The following IL1RAPL1 variants were observed in gnomAD, a reference collection of about 807,000 sequenced individuals.
The protein encoded by IL1RAPL1 is interleukin-1 receptor accessory protein-like 1.
Under a neutral mutation model 48.4 loss-of-function variants are expected in IL1RAPL1, and 3 were observed. The ratio of observed to expected loss-of-function variants is 0.06; its 90% confidence interval spans 0.03 to 0.16. The LOEUF (loss-of-function observed/expected upper bound fraction) is 0.16, where lower values mean the gene tolerates loss of function less well. Ranked by LOEUF, IL1RAPL1 falls within the 10% of genes least tolerant of loss-of-function variation. The pLI is 1.00. For synonymous variants in IL1RAPL1, 185 were observed against 187.7 expected, an observed-to-expected ratio of 0.99 and a Z score of 0.12; for missense variants, 349 against 530.6, an observed-to-expected ratio of 0.66 and a Z score of 3.36.
chrX:28,864,387 A>AT (rs1417999714), intron 2 of IL1RAPL1, among the ~76,000 whole-genome samples: 1 of 112,443 alleles, frequency 8.9e-6, no homozygotes, highest in Non-Finnish European at 1.9e-5. Flanking sequence ...TGGAGCTAAC[A>AT]TTTTATAAAA....
At chrX:29,068,767 T>C (rs1335452478) in intron 2 of IL1RAPL1, among the ~76,000 whole-genome samples, 2 of 112,326 alleles carry the variant, frequency 1.8e-5, no homozygotes, top group Non-Finnish European at 3.8e-5. Flanking sequence ...AGAACTTTTA[T>C]GCCTTTTTTA....
intron 6 of IL1RAPL1, among the ~76,000 whole-genome samples, chrX:29,833,565 G>T (rs948404788): frequency 9.0e-6 from 1 of 111,189 alleles, no homozygotes; most frequent in Non-Finnish European, 1.9e-5. Flanking sequence ...TTATTTACAT[G>T]GGCCTAAATC....
At chrX:28,990,362 C>T (rs58977347) in intron 2 of IL1RAPL1, among the ~76,000 whole-genome samples, 4,807 of 111,762 alleles carry the variant, frequency 0.043, 107 homozygotes, top group East Asian at 0.068. Context: ...AAAACTAAAT[C>T]GGGGATAGTA....
At chrX:29,479,275 G>A (rs73631662) in intron 5 of IL1RAPL1, among the ~76,000 whole-genome samples, 1,846 of 107,577 alleles carry the variant, frequency 0.017, 30 homozygotes, top group African/African-American at 0.059. Context: ...ATTAGCAGGT[G>A]TGGTGGCACG....
chrX:28,796,547 C>G (rs74217368), intron 2 of IL1RAPL1, among the ~76,000 whole-genome samples: 7 of 112,093 alleles, frequency 6.2e-5, no homozygotes, highest in Middle Eastern at 4.7e-3. Context: ...TCTAGCAGGG[C>G]AGTCAAATCT....
intron 1 of IL1RAPL1, among the ~76,000 whole-genome samples, chrX:28,714,147 G>T (rs1435720550): frequency 9.0e-6 from 1 of 111,635 alleles, no homozygotes; most frequent in East Asian, 2.8e-4. Context: ...ATGATTTTAT[G>T]CTCTTTCTTA....
chrX:29,720,558 A>T (rs1261605199), intron 6 of IL1RAPL1, among the ~76,000 whole-genome samples: 2 of 110,723 alleles, frequency 1.8e-5, no homozygotes, highest in Non-Finnish European at 3.8e-5. Flanking sequence ...AACAATGAGA[A>T]CACATGGACA....
chrX:28,926,074 CACCTG>C (rs1235342385), intron 2 of IL1RAPL1, among the ~76,000 whole-genome samples: 1 of 112,101 alleles, frequency 8.9e-6, no homozygotes, highest in Non-Finnish European at 1.9e-5. Context: ...AGCCATTAGC[CACCTG>C]TGGCTACTTA....
At chrX:29,901,945 G>A (rs1327817335) in intron 6 of IL1RAPL1, among the ~76,000 whole-genome samples, 1 of 111,998 alleles carries the variant, frequency 8.9e-6, no homozygotes, top group Non-Finnish European at 1.9e-5. Context: ...TCACTTTGTG[G>A]ATGACTTGAA....
At chrX:29,177,943 A>G (rs765767676) in intron 2 of IL1RAPL1, among the ~76,000 whole-genome samples, 1 of 112,074 alleles carries the variant, frequency 8.9e-6, no homozygotes, top group Non-Finnish European at 1.9e-5. Flanking sequence ...TTATGGCTGC[A>G]TAGTATTCCA....
intron 2 of IL1RAPL1, among the ~76,000 whole-genome samples, chrX:28,827,453 GTGATTT>G (rs1469513494): frequency 9.0e-6 from 1 of 111,406 alleles, no homozygotes; most frequent in Non-Finnish European, 1.9e-5. Flanking sequence ...GAAACAGGAA[GTGATTT>G]TGATGTAGAC....
rs1936319915 is a variant in IL1RAPL1 at position 28,772,428 on chromosome X, CA to C, written c.-24-16890del. Among the ~76,000 whole-genome samples, 10 of 111,420 alleles carry C rather than the reference CA, an allele frequency of 9.0e-5. No homozygotes were observed. The South Asian group carries it at 3.8e-3, about 42-fold the overall frequency. Reference sequence around the variant, plus strand: ...AAAATTGTGCCTATTTTTCCAGGAACAAGCTTAAATCCTGTTAAACTAGTGT... The same window carrying C: ...AAAATTGTGCCTATTTTTCCAGGAACAGCTTAAATCCTGTTAAACTAGTGT... On this transcript the variant is annotated intron_variant, in intron 1 of 10. Transcript: ENST00000378993.
chrX:29,504,570 T>TTTA (rs1935308805), intron 5 of IL1RAPL1, among the ~76,000 whole-genome samples: 1 of 112,100 alleles, frequency 8.9e-6, no homozygotes, highest in Non-Finnish European at 1.9e-5. Context: ...AACAGAACCC[T>TTTA]TTATCATGAT....
intron 2 of IL1RAPL1, among the ~76,000 whole-genome samples, chrX:29,189,971 G>A (rs1369626917): frequency 9.0e-6 from 1 of 111,592 alleles, no homozygotes; most frequent in Non-Finnish European, 1.9e-5. Flanking sequence ...GTGGTTTAGA[G>A]CATGGACCTT....
intron 5 of IL1RAPL1, among the ~76,000 whole-genome samples, chrX:29,468,725 C>A (rs2147738450): frequency 8.9e-6 from 1 of 111,756 alleles, no homozygotes; most frequent in South Asian, 3.7e-4. Flanking sequence ...ATTTCATAGC[C>A]AGAATGCTTG....
At chrX:28,822,603 G>T (rs780003425) in intron 2 of IL1RAPL1, among the ~76,000 whole-genome samples, 5 of 111,676 alleles carry the variant, frequency 4.5e-5, no homozygotes, top group Admixed American at 1.9e-4. Context: ...TTCATTCGGG[G>T]AGGACATGTT....
intron 3 of IL1RAPL1, among the ~76,000 whole-genome samples, chrX:29,365,072 T>C (rs1351220592): frequency 1.8e-5 from 2 of 112,330 alleles, no homozygotes; most frequent in East Asian, 5.5e-4. Context: ...ATTTTCTTTA[T>C]GTTTGCCATC....
rs772498407 is a variant in IL1RAPL1, at chrX:28,933,167, T to A, written c.82+143742T>A. ...TTATGTATACACTGTAGACATTGTGTATGTGTCTGTAGATTTCCAGCTTGG... is the reference window on the plus strand; with the variant it reads ...TTATGTATACACTGTAGACATTGTGAATGTGTCTGTAGATTTCCAGCTTGG... On this transcript the variant is annotated intron_variant, in intron 2 of 10. Coordinates refer to ENST00000378993, the MANE Select transcript of IL1RAPL1 (RefSeq NM_014271.4). Among the ~76,000 whole-genome samples, 38 of 112,189 alleles carry A rather than the reference T, an allele frequency of 3.4e-4. 1 individual carries two copies. The East Asian group carries it at 9.3e-3, about 27-fold the overall frequency.
intron 2 of IL1RAPL1, among the ~76,000 whole-genome samples, chrX:29,175,928 A>G (rs901202920): frequency 1.9e-5 from 2 of 106,718 alleles, no homozygotes; most frequent in Non-Finnish European, 3.8e-5. Flanking sequence ...TTGAAATAGT[A>G]TACTGCCCAA....
Sources: allele counts gnomAD v4.1 joint callset (sites outside exome capture counted in the v4.1 genomes callset), GRCh38; gene constraint gnomAD v4.1.1; transcripts MANE v1.5; gene names NCBI Gene and HGNC (gene_info 2026-07-23, HGNC 2026-07-21).